The following ARL14EP variants were observed in gnomAD, a reference collection of about 807,000 sequenced individuals.
ARL14EP encodes ARF like GTPase 14 effector protein, also known as ARL14 effector protein.
Under a neutral mutation model 23.1 loss-of-function variants are expected in ARL14EP, and 12 were observed. The ratio of observed to expected loss-of-function variants is 0.52; its 90% CI spans 0.33 to 0.84. The LOEUF is 0.84. Ranked by LOEUF, ARL14EP falls within the 40% of genes least tolerant of loss-of-function variation. The pLI is 0.02. For synonymous variants in ARL14EP, 97 were observed against 102.0 expected (o/e 0.95, Z 0.29); for missense variants, 253 against 307.3 (o/e 0.82, Z 1.32).
At chr11:30,327,902 G>GT (rs2133645785) in intron 1 of ARL14EP, 1 of 152,032 alleles carries the variant, frequency 6.6e-6, no homozygotes, top group African/African-American at 2.4e-5. Flanking sequence ...CGTTAACCCG[G>GT]TAGGTGGAGC....
At chr11:30,327,467 C>T (rs1947245546) in intron 1 of ARL14EP, among the ~76,000 whole-genome samples, 1 of 152,064 alleles carries the variant, frequency 6.6e-6, no homozygotes, top group Admixed American at 6.6e-5. Context: ...AGATGCTTTT[C>T]CTATCAAATA....
intron 1 of ARL14EP, among the ~76,000 whole-genome samples, chr11:30,327,870 G>A (rs1947250220): frequency 1.3e-5 from 2 of 151,286 alleles, no homozygotes; most frequent in African/African-American, 2.4e-5. Flanking sequence ...CAGCTACTCT[G>A]GAGGCTGAGG....
At chr11:30,334,217 T>G (rs1947312664) in intron 3 of ARL14EP, among the ~76,000 whole-genome samples, 1 of 102,912 alleles carries the variant, frequency 9.7e-6, no homozygotes, top group African/African-American at 3.4e-5. Flanking sequence ...TCTTTTTTTT[T>G]TTTTTTTTTT....
At chr11:30,333,248 A>T (rs1405335880) in intron 3 of ARL14EP, among the ~76,000 whole-genome samples, 1 of 152,246 alleles carries the variant, frequency 6.6e-6, no homozygotes, top group African/African-American at 2.4e-5. Flanking sequence ...AATAATTACA[A>T]TTAAAGTAAT....
In ARL14EP at chr11:30,336,810, C is replaced by G. The variant is rs755110879; in HGVS notation, c.*15C>G. The G allele has an allele frequency of 3.8e-6, 6 of 1,595,508 alleles. No individual in the cohort carries two copies. Among genetic ancestry groups the G allele is most frequent in the Non-Finnish European group, 4.3e-6 (5 of 1,163,096 alleles). On this transcript the variant is annotated 3_prime_UTR_variant, in exon 4 of 4. Transcript: ENST00000282032. Reference sequence around the variant, plus strand: ...ATGCTGGATAATCTGCGGTACCAAACTATGGAGCCTTTAAAGGTCTTTATT... The same window carrying G: ...ATGCTGGATAATCTGCGGTACCAAAGTATGGAGCCTTTAAAGGTCTTTATT...
chr11:30,323,398 C>T (rs1433345024), intron 1 of ARL14EP, among the ~76,000 whole-genome samples, 196 bp downstream of exon 1: 3 of 152,206 alleles, frequency 2.0e-5, no homozygotes, highest in Non-Finnish European at 2.9e-5. Flanking sequence ...TGCGACGCAA[C>T]GCCTTGTGTC....
intron 2 of ARL14EP, 100 bp downstream of exon 2, chr11:30,331,474 A>C: frequency 6.4e-7 from 1 of 1,559,158 alleles, no homozygotes; most frequent in Non-Finnish European, 8.7e-7. Context: ...TAAATTTGTT[A>C]GCATACAGTG....
chr11:30,335,677 A>AT (rs754780336), intron 3 of ARL14EP, among the ~76,000 whole-genome samples: 1 of 152,004 alleles, frequency 6.6e-6, no homozygotes, highest in African/African-American at 2.4e-5. Flanking sequence ...AGGTACATAC[A>AT]TTTTTTTCTT....
rs1947313545 is a variant in ARL14EP, at chr11:30,334,254, C to T, written c.554+1261C>T. 6.1e-5 allele frequency among the ~76,000 whole-genome samples: 7 copies of T among 115,544 alleles called. No individual in the cohort carries two copies. In the Admixed American group the frequency reaches 7.4e-4, roughly 12 times the overall value. The allele number at this position is 115,544 out of a possible 152,430, so 75.8% of individuals were successfully genotyped here. On this transcript the variant is annotated intron_variant, in intron 3 of 3. Coordinates refer to ENST00000282032, the MANE Select transcript of ARL14EP (RefSeq NM_152316.3). The stretch of plus-strand genomic sequence containing the variant: ...TTTTTGAGATGGAGTCTTGCTCTGT[C>T]ACCCAGCCTGAGGTGCAGTGGCGCA...
chr11:30,334,391 A>G (rs1168682564), intron 3 of ARL14EP, among the ~76,000 whole-genome samples: 1 of 151,424 alleles, frequency 6.6e-6, no homozygotes, highest in Non-Finnish European at 1.5e-5. Flanking sequence ...AATTTTTTGT[A>G]TTTTTAGTAG....
At chr11:30,329,911 TTTTA>T (rs770734677) in intron 1 of ARL14EP, 21 of 152,104 alleles carry the variant, frequency 1.4e-4, no homozygotes, top group Non-Finnish European at 2.2e-4. Flanking sequence ...ATATCCATCT[TTTTA>T]TTTATTTATT....
At chr11:30,335,300 C>A (rs762359191) in intron 3 of ARL14EP, among the ~76,000 whole-genome samples, 2 of 152,146 alleles carry the variant, frequency 1.3e-5, no homozygotes, top group African/African-American at 2.4e-5. Context: ...AAGGTGGAAT[C>A]TACTGGTGAG....
intron 2 of ARL14EP, chr11:30,331,872 T>C: frequency 5.4e-6 from 5 of 933,178 alleles, no homozygotes; most frequent in Non-Finnish European, 6.4e-6. Context: ...TTGAGTTTTT[T>C]AAATGCTTGT....
At chr11:30,332,232 G>A (rs1287809770) in intron 2 of ARL14EP, among the ~76,000 whole-genome samples, 1 of 150,410 alleles carries the variant, frequency 6.6e-6, no homozygotes, top group Non-Finnish European at 1.5e-5. Context: ...TTTTCCTGTT[G>A]TTGTCTTCTC....
At chr11:30,334,907 C>T (rs1947319781) in intron 3 of ARL14EP, among the ~76,000 whole-genome samples, 1 of 152,232 alleles carries the variant, frequency 6.6e-6, no homozygotes. Context: ...TTTCATGCCT[C>T]CTAACACAAC....
intron 1 of ARL14EP, chr11:30,328,621 T>A (rs1947259976): frequency 6.6e-6 from 1 of 152,186 alleles, no homozygotes; most frequent in Non-Finnish European, 1.5e-5. Context: ...TTAAAGTGTA[T>A]TTTATTTTTT....
chr11:30,335,109 G>C (rs1010810966), intron 3 of ARL14EP, among the ~76,000 whole-genome samples: 5 of 152,204 alleles, frequency 3.3e-5, no homozygotes, highest in African/African-American at 1.2e-4. Flanking sequence ...GAGTCCTCAT[G>C]GATGACTTTG....
chr11:30,334,208 CTTTTTTT>C (rs36111177), intron 3 of ARL14EP, among the ~76,000 whole-genome samples: 6 of 86,044 alleles, frequency 7.0e-5, no homozygotes, highest in Admixed American at 5.5e-4. Context: ...GACCAGCCTT[CTTTTTTT>C]TTTTTTTTTT....
intron 3 of ARL14EP, among the ~76,000 whole-genome samples, chr11:30,335,698 C>G (rs1229282811): frequency 1.3e-5 from 2 of 151,956 alleles, no homozygotes. Context: ...AGACATAAGG[C>G]TGTTGCACAC....
Sources: allele counts gnomAD v4.1 joint callset (sites outside exome capture counted in the v4.1 genomes callset), GRCh38; gene constraint gnomAD v4.1.1; transcripts MANE v1.5; gene names NCBI Gene and HGNC (gene_info 2026-07-23, HGNC 2026-07-21).